Variants in ADAM12 observed in about 807,000 individuals in gnomAD.
ADAM12 encodes the protein disintegrin and metalloproteinase domain-containing protein 12.
Under a neutral mutation model 106.4 loss-of-function variants are expected in ADAM12, and 70 were observed. That is an observed-to-expected ratio of 0.66 (90% confidence interval 0.54 to 0.80). ADAM12 has a LOEUF of 0.80. ADAM12 is among the 30% of genes least tolerant of loss of function. The pLI is 0.00. For missense variants in ADAM12, 1,010 were observed against 1,171.9 expected (o/e 0.86, Z 2.02); for synonymous variants, 420 against 433.5 (o/e 0.97, Z 0.39).
intron 1 of ADAM12, among the ~76,000 whole-genome samples, chr10:126,363,231 T>C (rs931898120): frequency 3.3e-5 from 5 of 152,124 alleles, no homozygotes; most frequent in Non-Finnish European, 7.4e-5. Flanking sequence ...CAATAAGAAA[T>C]AGCAAAACCA....
chr10:126,329,349 T>A (rs1336487164), intron 2 of ADAM12, among the ~76,000 whole-genome samples: 1 of 152,178 alleles, frequency 6.6e-6, no homozygotes, highest in Non-Finnish European at 1.5e-5. Context: ...TATCAATATT[T>A]TAAATCAACT....
chr10:126,255,817 A>G (rs1277335376), intron 3 of ADAM12, among the ~76,000 whole-genome samples: 1 of 152,190 alleles, frequency 6.6e-6, no homozygotes, highest in African/African-American at 2.4e-5. Context: ...GTCTGCACAG[A>G]GGCAGCAGAC....
chr10:126,058,111 C>T (rs549895752), intron 14 of ADAM12, among the ~76,000 whole-genome samples: 63 of 152,294 alleles, frequency 4.1e-4, no homozygotes, highest in African/African-American at 1.4e-3. Flanking sequence ...CTCTCCTCTG[C>T]CCCCAGCTTT....
chr10:126,039,035 C>T (rs1408834079), intron 19 of ADAM12, among the ~76,000 whole-genome samples: 1 of 141,506 alleles, frequency 7.1e-6, no homozygotes, highest in Non-Finnish European at 1.5e-5. Flanking sequence ...TCGCAACTCA[C>T]TGCAAGCTCC....
chr10:126,289,522 T>C (rs899476169), intron 2 of ADAM12, among the ~76,000 whole-genome samples: 2 of 152,178 alleles, frequency 1.3e-5, no homozygotes, highest in Non-Finnish European at 1.5e-5. Flanking sequence ...GTGCTCACCA[T>C]GGGAAGAAGG....
chr10:126,227,777 C>T (rs996142432), intron 3 of ADAM12, among the ~76,000 whole-genome samples: 1 of 152,112 alleles, frequency 6.6e-6, no homozygotes, highest in Admixed American at 6.5e-5. Context: ...CTGAACAATC[C>T]TTCTGACAAC....
chr10:126,015,537 G>A lies in ADAM12; in HGVS notation c.*1742C>T, dbSNP rs1953646977. Reference sequence around the variant, plus strand: ...AAACAGATGCATGCTATACGAGTTGGAATGTATTAGAGCTGGGTTCCCTTT... The same window carrying A: ...AAACAGATGCATGCTATACGAGTTGAAATGTATTAGAGCTGGGTTCCCTTT... On this transcript the variant is annotated 3_prime_UTR_variant, in exon 23 of 23. Transcript: ENST00000448723. 6.6e-6 allele frequency: 1 copy of A among 152,178 alleles called. No individual in the cohort carries two copies. Among genetic ancestry groups the A allele is most frequent in the Non-Finnish European group, 1.5e-5 (1 of 68,042 alleles). 9.4% of individuals were successfully genotyped at this position (152,178 alleles called of 1,614,324 possible).
At chr10:126,296,517 T>G (rs1170243291) in intron 2 of ADAM12, among the ~76,000 whole-genome samples, 2 of 152,210 alleles carry the variant, frequency 1.3e-5, no homozygotes, top group African/African-American at 4.8e-5. Flanking sequence ...ACACATCTTT[T>G]GTGAGGGACA....
intron 6 of ADAM12, among the ~76,000 whole-genome samples, chr10:126,111,224 G>A (rs150743680): frequency 1.8e-3 from 279 of 152,254 alleles, no homozygotes; most frequent in African/African-American, 6.2e-3. Context: ...ACCAGGAAAG[G>A]TACAATTTCT....
At chr10:126,037,395 A>AGCAGGGG (rs1250544942) in intron 20 of ADAM12, among the ~76,000 whole-genome samples, 1 of 151,896 alleles carries the variant, frequency 6.6e-6, no homozygotes, top group African/African-American at 2.4e-5. Flanking sequence ...TTTGGGGACG[A>AGCAGGGG]GCAGGGGTAA....
chr10:126,085,920 T>C (rs1314397937), intron 11 of ADAM12, among the ~76,000 whole-genome samples: 1 of 152,198 alleles, frequency 6.6e-6, no homozygotes, highest in African/African-American at 2.4e-5. Flanking sequence ...TTGGATATTG[T>C]CTGTTGTAGA....
chr10:126,067,164 G>C (rs935243712), intron 12 of ADAM12, among the ~76,000 whole-genome samples: 1 of 152,254 alleles, frequency 6.6e-6, no homozygotes, highest in Admixed American at 6.5e-5. Flanking sequence ...AGGATCCCTG[G>C]AGGACTTTGA....
chr10:126,303,192 G>A (rs1040529032), intron 2 of ADAM12, among the ~76,000 whole-genome samples: 1 of 152,160 alleles, frequency 6.6e-6, no homozygotes, highest in African/African-American at 2.4e-5. Flanking sequence ...TTTTACATGC[G>A]TAAAATCCCC....
chr10:126,051,642 C>T (rs1478653179), intron 14 of ADAM12, among the ~76,000 whole-genome samples: 2 of 151,816 alleles, frequency 1.3e-5, no homozygotes, highest in Non-Finnish European at 2.9e-5. Context: ...TCCATCCATC[C>T]AGCCAGCCAG....
chr10:126,255,781 G>T (rs1216748974), intron 3 of ADAM12, among the ~76,000 whole-genome samples: 1 of 152,124 alleles, frequency 6.6e-6, no homozygotes, highest in African/African-American at 2.4e-5. Context: ...AAGCTAACTG[G>T]CCCCATTGCA....
intron 3 of ADAM12, among the ~76,000 whole-genome samples, chr10:126,214,318 T>C (rs1957949790): frequency 6.6e-6 from 1 of 152,210 alleles, no homozygotes; most frequent in Admixed American, 6.5e-5. Context: ...TCTGTTTCTC[T>C]ATCTGTAACG....
intron 3 of ADAM12, among the ~76,000 whole-genome samples, chr10:126,165,873 CCTAA>C (rs1467625123): frequency 4.6e-5 from 7 of 152,240 alleles, no homozygotes; most frequent in Admixed American, 2.0e-4. Context: ...ATTTTGGGAT[CCTAA>C]CTATTTAAAC....
At chr10:126,254,716 C>T (rs1160490359) in intron 3 of ADAM12, among the ~76,000 whole-genome samples, 1 of 152,174 alleles carries the variant, frequency 6.6e-6, no homozygotes, top group African/African-American at 2.4e-5. Context: ...CCGCTCTGCT[C>T]ACATGCTCCC....
intron 2 of ADAM12, among the ~76,000 whole-genome samples, chr10:126,312,004 G>A (rs1209868172): frequency 6.6e-6 from 1 of 152,058 alleles, no homozygotes; most frequent in Non-Finnish European, 1.5e-5. Context: ...ATTGGCGTCT[G>A]AAGTGGAGCA....
Sources: allele counts gnomAD v4.1 joint callset (sites outside exome capture counted in the v4.1 genomes callset), GRCh38; gene constraint gnomAD v4.1.1; transcripts MANE v1.5; gene names NCBI Gene and HGNC (gene_info 2026-07-23, HGNC 2026-07-21).